BRINP2: variants seen among roughly 807,000 people sequenced by gnomAD.
The protein encoded by BRINP2 is BMP/retinoic acid-inducible neural-specific protein 2.
In BRINP2, 21 loss-of-function variants were observed where a neutral mutation model predicts 69.2. That is an observed-to-expected ratio of 0.30 (90% CI 0.22 to 0.44). The LOEUF is 0.44. Among genes scored for constraint, BRINP2 ranks in the 20% least tolerant of loss-of-function variants. The probability of loss-of-function intolerance (pLI) is 1.00; values close to 1 mark genes in which losing one functional copy is unlikely to be tolerated. For missense variants in BRINP2, 877 were observed against 986.0 expected (o/e 0.89, Z 1.48); for synonymous variants, 380 against 394.1 (o/e 0.96, Z 0.42).
intron 1 of BRINP2, among the ~76,000 whole-genome samples, chr1:177,173,101 C>T (rs1172695110): frequency 6.6e-6 from 1 of 152,166 alleles, no homozygotes; most frequent in Non-Finnish European, 1.5e-5. Context: ...TGTGCTTTCC[C>T]TCCTGACTCA....
At chr1:177,174,574 G>A (rs912081260) in intron 1 of BRINP2, among the ~76,000 whole-genome samples, 1 of 152,194 alleles carries the variant, frequency 6.6e-6, no homozygotes, top group African/African-American at 2.4e-5. Context: ...AGTATTCAAA[G>A]GAAGGAGAAT....
intron 2 of BRINP2, among the ~76,000 whole-genome samples, chr1:177,243,240 T>C (rs1650261144): frequency 6.6e-6 from 1 of 152,198 alleles, no homozygotes; most frequent in Non-Finnish European, 1.5e-5. Flanking sequence ...GTTTTATGCA[T>C]AGAACGCTGT....
At chr1:177,235,879 C>T (rs903143153) in intron 2 of BRINP2, among the ~76,000 whole-genome samples, 3 of 152,176 alleles carry the variant, frequency 2.0e-5, no homozygotes, top group Non-Finnish European at 4.4e-5. Context: ...AGGAGGTTAG[C>T]TCTTCCGCAT....
intron 2 of BRINP2, among the ~76,000 whole-genome samples, chr1:177,250,111 A>G (rs1294370548): frequency 2.0e-5 from 3 of 151,252 alleles, no homozygotes; most frequent in Non-Finnish European, 4.4e-5. Flanking sequence ...GGGTCTTGCT[A>G]TGTTGCCTGG....
rs186204964 is a variant in BRINP2 at position 177,208,577 on chromosome 1, C to T, written c.-76-21224C>T. 6.6e-5 allele frequency among the ~76,000 whole-genome samples: 10 copies of T among 152,226 alleles called. No homozygotes were observed. In the East Asian group the frequency reaches 1.9e-3, roughly 29 times the overall value. On this transcript the variant is annotated intron_variant, in intron 1 of 7. Coordinates refer to ENST00000361539, the MANE Select transcript of BRINP2 (RefSeq NM_021165.4). ...TAGAGAGTGTGCATTATTCTCTGGC[C>T]CCTTCTCCACTACATTCTACATTTG...
chr1:177,197,092 A>G (rs1050254895), intron 1 of BRINP2, among the ~76,000 whole-genome samples: 1 of 152,092 alleles, frequency 6.6e-6, no homozygotes, highest in Non-Finnish European at 1.5e-5. Flanking sequence ...AATACCTGAG[A>G]CTGGGTAATT....
chr1:177,278,647 C>A lies in BRINP2; in HGVS notation c.1097C>A (p.Thr366Asn). The A allele has an allele frequency of 3.1e-6, 5 of 1,614,224 alleles. No individual in the cohort carries two copies. The highest frequency in any genetic ancestry group is 4.2e-6 in the Non-Finnish European group (5 of 1,180,048). Residue 366 changes from threonine (T) to asparagine (N), a missense_variant, in exon 7 of 8, where the codon ACC becomes AAC. By Grantham distance (65) the Thr-to-Asn change is moderately conservative. Coordinates refer to ENST00000361539, the MANE Select transcript of BRINP2 (RefSeq NM_021165.4). The stretch of plus-strand genomic sequence containing the variant: ...ATCTCCCAGTTCTGGGCCATGGACA[C>A]CAGCCTTCAGCACCGCTACCAGCAG... ...TAISQFWAMD[T>N]SLQHRYQQLG...
chr1:177,266,210 T>C (rs1651114653), intron 4 of BRINP2, among the ~76,000 whole-genome samples: 2 of 152,146 alleles, frequency 1.3e-5, no homozygotes, highest in African/African-American at 4.8e-5. Flanking sequence ...ACGATGTGAC[T>C]ATTGAAAATC....
chr1:177,273,350 G>C, intron 4 of BRINP2, 138 bp from the exon 5 acceptor site: 1 of 510,504 alleles, frequency 2.0e-6, no homozygotes, highest in Non-Finnish European at 3.5e-6. Context: ...TACCTCTGGA[G>C]TACGAAAAGG....
chr1:177,277,560 G>A lies in BRINP2; in HGVS notation c.1013-1003G>A, dbSNP rs1053894556. On this transcript the variant is annotated intron_variant, in intron 6 of 7. Transcript: ENST00000361539. Reference sequence around the variant, plus strand: ...AGATGTTAGTGCCATTACTAGGCATGATTCTCCAATCTTCTGAGGAGATGA... The same window carrying A: ...AGATGTTAGTGCCATTACTAGGCATAATTCTCCAATCTTCTGAGGAGATGA... 2.0e-5 allele frequency among the ~76,000 whole-genome samples: 3 copies of A among 151,534 alleles called. No individual in the cohort carries two copies. The Admixed American group carries it at 2.0e-4, about 10-fold the overall frequency.
chr1:177,270,495 G>T (rs1479813403), intron 4 of BRINP2, among the ~76,000 whole-genome samples: 2 of 151,878 alleles, frequency 1.3e-5, no homozygotes, highest in African/African-American at 4.8e-5. Context: ...CAAGATGATG[G>T]TGGGGGGCGG....
intron 1 of BRINP2, among the ~76,000 whole-genome samples, chr1:177,214,879 A>C (rs906513145): frequency 6.6e-6 from 1 of 152,248 alleles, no homozygotes; most frequent in Non-Finnish European, 1.5e-5. Flanking sequence ...TAACCTGTCC[A>C]TAACCTCAAA....
chr1:177,270,565 G>T (rs192378907), intron 4 of BRINP2, among the ~76,000 whole-genome samples: 1 of 152,210 alleles, frequency 6.6e-6, no homozygotes, highest in Non-Finnish European at 1.5e-5. Flanking sequence ...GGAAAGGAAA[G>T]CTCCTATTGT....
intron 2 of BRINP2, among the ~76,000 whole-genome samples, chr1:177,248,402 T>C (rs1444389113): frequency 6.6e-6 from 1 of 152,090 alleles, no homozygotes; most frequent in Non-Finnish European, 1.5e-5. Context: ...ACTCAACCTG[T>C]ACTTCTAGAT....
chr1:177,201,668 T>C (rs1475696610), intron 1 of BRINP2, among the ~76,000 whole-genome samples: 5 of 152,212 alleles, frequency 3.3e-5, no homozygotes, highest in African/African-American at 1.2e-4. Context: ...TTGATACACC[T>C]TGATCTCATC....
intron 4 of BRINP2, among the ~76,000 whole-genome samples, chr1:177,269,091 A>G (rs937227822): frequency 6.6e-6 from 1 of 152,098 alleles, no homozygotes; most frequent in Admixed American, 6.6e-5. Context: ...CCCTAACCAC[A>G]TATACTCCTC....
chr1:177,278,913 C>T, intron 7 of BRINP2, 128 bp downstream of exon 7: 1 of 829,946 alleles, frequency 1.2e-6, no homozygotes, highest in African/African-American at 1.7e-5. Context: ...TTCCAGTTAT[C>T]TTGACCTACT....
intron 1 of BRINP2, among the ~76,000 whole-genome samples, chr1:177,204,119 G>T (rs936785499): frequency 6.6e-6 from 1 of 152,138 alleles, no homozygotes; most frequent in Non-Finnish European, 1.5e-5. Flanking sequence ...ATTCCAAGAT[G>T]CATCCTACGT....
At chr1:177,245,359 T>G (rs933783203) in intron 2 of BRINP2, among the ~76,000 whole-genome samples, 5 of 152,164 alleles carry the variant, frequency 3.3e-5, no homozygotes, top group African/African-American at 4.8e-5. Flanking sequence ...CTAAAACTAT[T>G]TAGTCCAAAG....
Sources: allele counts gnomAD v4.1 joint callset (sites outside exome capture counted in the v4.1 genomes callset), GRCh38; gene constraint gnomAD v4.1.1; transcripts MANE v1.5; gene names NCBI Gene and HGNC (gene_info 2026-07-23, HGNC 2026-07-21).